IKBKE: variants seen among roughly 807,000 people sequenced by gnomAD.
IKBKE encodes inhibitor of nuclear factor kappa B kinase subunit epsilon, also known as inhibitor of nuclear factor kappa-B kinase subunit epsilon.
Under a neutral mutation model 92.1 loss-of-function variants are expected in IKBKE, and 45 were observed. That is an observed-to-expected ratio of 0.49 (90% confidence interval 0.38 to 0.63). IKBKE has a LOEUF of 0.63. Among genes scored for constraint, IKBKE ranks in the 20% least tolerant of loss-of-function variants. The probability of loss-of-function intolerance (pLI) is 0.00; values close to 1 mark genes in which losing one functional copy is unlikely to be tolerated. For missense variants in IKBKE, 700 were observed against 932.8 expected, an observed-to-expected ratio of 0.75 and a Z score of 3.25; for synonymous variants, 374 against 380.3, an observed-to-expected ratio of 0.98 and a Z score of 0.19.
intron 7 of IKBKE, among the ~76,000 whole-genome samples, chr1:206,477,445 A>C (rs1665127124): frequency 6.6e-6 from 1 of 152,110 alleles, no homozygotes; most frequent in Non-Finnish European, 1.5e-5. Context: ...AGGAGAGGAT[A>C]CTGGGGCCAT....
chr1:206,479,633 A>T (rs979998027), intron 10 of IKBKE, among the ~76,000 whole-genome samples: 5 of 152,222 alleles, frequency 3.3e-5, no homozygotes, highest in Non-Finnish European at 5.9e-5. Flanking sequence ...AGGGTGATTT[A>T]GTCCATTTTC....
Position 206,476,904 on chromosome 1 carries a change from C to G in IKBKE, c.701+66C>G, listed in dbSNP as rs561989856. 6.4e-7 allele frequency: 1 copy of G among 1,569,686 alleles called. No homozygotes were observed. The highest frequency in any genetic ancestry group is 1.1e-5 in the South Asian group (1 of 88,882). On this transcript the variant is annotated intron_variant, in intron 7 of 21. Coordinates refer to ENST00000581977, the MANE Select transcript of IKBKE (RefSeq NM_014002.4). The surrounding 1 kb of genome is among the most constrained non-coding windows in gnomAD (Gnocchi z 5.1). Reference sequence around the variant, plus strand: ...GTCCCCTGGCCCTTCCCCCACCGGTCCTTGCTGTGTCTTCTGGTCCCCTCA... The same window carrying G: ...GTCCCCTGGCCCTTCCCCCACCGGTGCTTGCTGTGTCTTCTGGTCCCCTCA...
Position 206,487,625 on chromosome 1 carries a change from G to A in IKBKE, c.1617-289G>A, listed in dbSNP as rs1553389092. ...AGGTAGTAAAGGCCACGTTCCTGTT[G>A]CCCGTCCTGCTTGGCTTCCTGTCTC... On this transcript the variant is annotated intron_variant, in intron 15 of 21. Transcript: ENST00000581977. This position sits in a 1 kb window ranked among gnomAD's most constrained non-coding sequence, Gnocchi z 5.3. Among the ~76,000 whole-genome samples, 1 of 152,086 alleles carries A rather than the reference G, an allele frequency of 6.6e-6. No individual in the cohort carries two copies. Among genetic ancestry groups the A allele is most frequent in the East Asian group, 1.9e-4 (1 of 5,184 alleles).
intron 16 of IKBKE, among the ~76,000 whole-genome samples, chr1:206,488,343 T>G (rs1665774636): frequency 6.6e-6 from 1 of 152,226 alleles, no homozygotes; most frequent in Non-Finnish European, 1.5e-5. Flanking sequence ...GGCAGGGCAC[T>G]TTAAAGTATA....
At position 206,493,057 on chromosome 1, in the gene IKBKE, G is replaced by T; in HGVS notation, c.1870G>T (p.Val624Phe). The part of the protein sequence containing the change: ...VHETRNHLRL[V>F]GCSVAACNTE... Reference sequence around the variant, plus strand: ...CGAGACCAGGAACCACCTGCGCCTGGTTGGCTGTTCTGTGGCTGCCTGTAA... The same window carrying T: ...CGAGACCAGGAACCACCTGCGCCTGTTTGGCTGTTCTGTGGCTGCCTGTAA... The change falls in exon 19 of 22, where the codon GTT becomes TTT. Residue 624 changes from valine (V) to phenylalanine (F), a missense_variant. Transcript: ENST00000581977. The T allele has an allele frequency of 6.3e-7, 1 of 1,586,544 alleles. No homozygotes were observed. Among genetic ancestry groups the T allele is most frequent in the Non-Finnish European group, 8.6e-7 (1 of 1,166,166 alleles).
intron 19 of IKBKE, 61 bp from the exon 20 acceptor site, chr1:206,493,205 C>T: frequency 1.3e-6 from 2 of 1,561,582 alleles, no homozygotes; most frequent in East Asian, 2.2e-5. Context: ...CCAGCACTCC[C>T]CCTACCCAGC....
chr1:206,491,974 A>C (rs1665969780), intron 18 of IKBKE: 4 of 433,632 alleles, frequency 9.2e-6, no homozygotes, highest in East Asian at 4.6e-5. Flanking sequence ...AGTAGATATC[A>C]TCACCCTATT....
chr1:206,491,647 G>C lies in IKBKE; in HGVS notation c.1734-1G>C. ...TGCACCTTGGTTCTCTGTCGTTCTA[G>C]GGTGAATTTCAGTCATTTAGCCAAA... is the stretch of plus-strand genomic sequence containing the variant. On this transcript the variant is annotated splice_acceptor_variant, in intron 17 of 21. Transcript: ENST00000581977. LOFTEE classifies it high-confidence loss of function. 1 of 1,610,808 alleles carries C rather than the reference G, an allele frequency of 6.2e-7. No individual in the cohort carries two copies. Among genetic ancestry groups the C allele is most frequent in the Non-Finnish European group, 8.5e-7 (1 of 1,177,420 alleles).
At chr1:206,494,602 T>TTC (rs1558486999) in intron 21 of IKBKE, among the ~76,000 whole-genome samples, 1 of 124,090 alleles carries the variant, frequency 8.1e-6, no homozygotes, top group African/African-American at 3.5e-5. Flanking sequence ...CTTTTTTTTT[T>TTC]TTTTTTTTTT....
At chr1:206,481,459 G>C (rs868944498) in intron 13 of IKBKE, among the ~76,000 whole-genome samples, 1 of 152,264 alleles carries the variant, frequency 6.6e-6, no homozygotes. Context: ...GAGGAGCAGG[G>C]AGGAGGAAGA....
intron 16 of IKBKE, among the ~76,000 whole-genome samples, chr1:206,489,230 T>TAA (rs1354039193): frequency 6.8e-6 from 1 of 148,082 alleles, no homozygotes; most frequent in Non-Finnish European, 1.5e-5. Flanking sequence ...TATATATATA[T>TAA]AATTCATATA....
chr1:206,476,708 C>T lies in IKBKE; in HGVS notation c.571C>T (p.Arg191Ter), dbSNP rs782081148. The T allele has an allele frequency of 1.2e-6, 2 of 1,614,230 alleles. No homozygotes were observed. The highest frequency in any genetic ancestry group is 1.7e-5 in the Admixed American group (1 of 60,028). ...CGACATGTATGAGCGGGCGGTGCTT[C>T]GAAAGCCCCAGCAAAAAGCGTTCGG... is the stretch of plus-strand genomic sequence containing the variant. Reference protein sequence around the residue: ...HPDMYERAVLRKPQQKAFGVT... With the variant: ...HPDMYERAVL Residue 191 changes from arginine (R) to a stop codon, truncating the protein, a stop_gained, in exon 7 of 22, where the codon CGA becomes TGA. Transcript: ENST00000581977. LOFTEE classifies it high-confidence loss of function. The surrounding 1 kb of genome is among the most constrained non-coding windows in gnomAD (Gnocchi z 5.1).
Position 206,474,346 on chromosome 1 carries a change from G to C in IKBKE, c.103G>C (p.Val35Leu), listed in dbSNP as rs1186805906. 1 of 1,613,558 alleles carries C rather than the reference G, an allele frequency of 6.2e-7. No individual in the cohort carries two copies. The highest frequency in any genetic ancestry group is 8.5e-7 in the Non-Finnish European group (1 of 1,179,710). ...CCAATGGCAGAAATCCGGAGAGCTG[G>C]TTGCTGTGAAGGTCTTCAACACTAC... is the stretch of plus-strand genomic sequence containing the variant. ...KARNKKSGEL[V>L]AVKVFNTTSY... The change falls in exon 4 of 22, where the codon GTT (valine) becomes CTT (leucine). Residue 35 changes from valine to leucine, a missense_variant. By Grantham distance (32) the Val-to-Leu change is conservative. Coordinates refer to ENST00000581977, the MANE Select transcript of IKBKE (RefSeq NM_014002.4).
At chr1:206,492,633 T>C (rs547921411) in intron 18 of IKBKE, 20 of 479,808 alleles carry the variant, frequency 4.2e-5, no homozygotes, top group African/African-American at 2.2e-4. Flanking sequence ...CACTTAGAGA[T>C]AGAAGAGAAT....
At chr1:206,480,811 G>C (rs1220545347) in intron 13 of IKBKE, among the ~76,000 whole-genome samples, 2 of 152,146 alleles carry the variant, frequency 1.3e-5, no homozygotes, top group Non-Finnish European at 2.9e-5. Flanking sequence ...CCCAAGAAGG[G>C]GCTTGTGTCC....
chr1:206,484,521 C>T (rs1665556543), intron 13 of IKBKE, among the ~76,000 whole-genome samples: 1 of 152,098 alleles, frequency 6.6e-6, no homozygotes, highest in Non-Finnish European at 1.5e-5. Flanking sequence ...AAGGCTATGC[C>T]CCAGAGAACG....
Position 206,496,268 on chromosome 1 carries a change from T to A in IKBKE, c.*123T>A, listed in dbSNP as rs752655047. On this transcript the variant is annotated 3_prime_UTR_variant, in exon 22 of 22. Coordinates refer to ENST00000581977, the MANE Select transcript of IKBKE (RefSeq NM_014002.4). ...CACATCAGCCTACCTCCCTCCTGGC[T>A]GCTGGCCAGGATGTCGCCAGCATTA... 77 of 809,728 alleles carry A rather than the reference T, an allele frequency of 9.5e-5. No individual in the cohort carries two copies. The highest frequency in any genetic ancestry group is 1.5e-4 in the Non-Finnish European group (69 of 466,950). The allele number at this position is 809,728 out of a possible 1,614,324, so 50.2% of individuals were successfully genotyped here.
rs202115463 is a variant in IKBKE, at chr1:206,476,696, C to T, written c.559C>T (p.Arg187Trp). 2.7e-5 allele frequency: 44 copies of T among 1,614,092 alleles called. No homozygotes were observed. In the African/African-American group the frequency reaches 3.6e-4, roughly 13 times the overall value. ...CCGGCAGCATCCCGACATGTATGAG[C>T]GGGCGGTGCTTCGAAAGCCCCAGCA... The part of the protein sequence containing the change: ...EEYLHPDMYE[R>W]AVLRKPQQKA... Residue 187 changes from arginine to tryptophan, a missense_variant, in exon 7 of 22, where the codon CGG (arginine) becomes TGG (tryptophan). Coordinates refer to ENST00000581977, the MANE Select transcript of IKBKE (RefSeq NM_014002.4). The surrounding 1 kb of genome is among the most constrained non-coding windows in gnomAD (Gnocchi z 5.1).
chr1:206,478,086 C>A lies in IKBKE; in HGVS notation c.813-74C>A, dbSNP rs1036438146. 9 of 969,914 alleles carry A rather than the reference C, an allele frequency of 9.3e-6. No homozygotes were observed. The highest frequency in any genetic ancestry group is 1.3e-5 in the Non-Finnish European group (9 of 669,222). 60.1% of individuals were successfully genotyped at this position (969,914 alleles called of 1,614,324 possible). A position where few individuals can be genotyped will look rare whatever the true frequency, so the allele number is the denominator to read the frequency against. On this transcript the variant is annotated intron_variant, in intron 8 of 21. Transcript: ENST00000581977. This position sits in a 1 kb window ranked among gnomAD's most constrained non-coding sequence, Gnocchi z 4.8. Reference sequence around the variant, plus strand: ...AGCTCTTCAGGATATTCTCTTAGAACGCTCCTATTGCCTGCTTAAGGAGGA... The same window carrying A: ...AGCTCTTCAGGATATTCTCTTAGAAAGCTCCTATTGCCTGCTTAAGGAGGA...
Sources: gnomAD v4.1 joint callset for allele counts (sites outside exome capture counted in the v4.1 genomes callset) on GRCh38, gnomAD v4.1.1 for gene constraint, Gnocchi (gnomAD v3.1) non-coding constraint, MANE v1.5 for transcripts, NCBI Gene and HGNC (gene_info 2026-07-23, HGNC 2026-07-21) for gene names.